DACH1: variants seen among roughly 807,000 people sequenced by gnomAD.
The protein encoded by DACH1 is dachshund homolog 1.
Under a neutral mutation model 54.2 loss-of-function variants are expected in DACH1, and 12 were observed. That is an observed-to-expected ratio of 0.22 (90% CI 0.14 to 0.36). The LOEUF (loss-of-function observed/expected upper bound fraction) is 0.36, where lower values mean the gene tolerates loss of function less well. Among genes scored for constraint, DACH1 ranks in the 10% least tolerant of loss-of-function variants. DACH1 has a pLI of 1.00. For synonymous variants in DACH1, 386 were observed against 366.2 expected, an observed-to-expected ratio of 1.05 and a Z score of -0.62; for missense variants, 805 against 929.8, an observed-to-expected ratio of 0.87 and a Z score of 1.75.
intron 3 of DACH1, among the ~76,000 whole-genome samples, chr13:71,627,416 T>C (rs1876733468): frequency 6.6e-6 from 1 of 151,558 alleles, no homozygotes; most frequent in African/African-American, 2.4e-5. Flanking sequence ...AGCCTTGAAT[T>C]GTCTTCAGAA....
intron 3 of DACH1, among the ~76,000 whole-genome samples, chr13:71,626,682 A>G (rs1163155362): frequency 3.3e-5 from 5 of 152,072 alleles, no homozygotes; most frequent in South Asian, 4.1e-4. Context: ...TCAGTAATCA[A>G]TATCAGGATG....
intron 3 of DACH1, among the ~76,000 whole-genome samples, chr13:71,614,471 G>A (rs1875603039): frequency 6.6e-6 from 1 of 152,048 alleles, no homozygotes; most frequent in African/African-American, 2.4e-5. Flanking sequence ...CCAAATTTCA[G>A]TTACTATTAA....
intron 1 of DACH1, among the ~76,000 whole-genome samples, chr13:71,715,946 C>G (rs979761362): frequency 6.6e-6 from 1 of 151,962 alleles, no homozygotes; most frequent in Non-Finnish European, 1.5e-5. Context: ...TGAAATCTAT[C>G]TTTCTAGAGG....
At chr13:71,749,039 C>T (rs568705538) in intron 1 of DACH1, among the ~76,000 whole-genome samples, 1 of 151,444 alleles carries the variant, frequency 6.6e-6, no homozygotes, top group East Asian at 1.9e-4. Context: ...GGCTGGAATA[C>T]AGTGGCATGA....
chr13:71,721,183 T>C (rs1162813567), intron 1 of DACH1, among the ~76,000 whole-genome samples: 1 of 152,164 alleles, frequency 6.6e-6, no homozygotes, highest in Non-Finnish European at 1.5e-5. Flanking sequence ...GATGCCCTCA[T>C]AATACATTTG....
chr13:71,832,480 A>G (rs1888629931), intron 1 of DACH1, among the ~76,000 whole-genome samples: 1 of 151,946 alleles, frequency 6.6e-6, no homozygotes, highest in Non-Finnish European at 1.5e-5. Context: ...TTAAACTAAG[A>G]AAATGTTTTA....
chr13:71,467,850 T>C (rs2138154598), intron 10 of DACH1, among the ~76,000 whole-genome samples: 1 of 152,288 alleles, frequency 6.6e-6, no homozygotes, highest in East Asian at 1.9e-4. Flanking sequence ...AATTCTAATA[T>C]TTATATTTTA....
chr13:71,507,828 T>C (rs1461392676), intron 6 of DACH1, among the ~76,000 whole-genome samples: 2 of 152,226 alleles, frequency 1.3e-5, no homozygotes, highest in African/African-American at 2.4e-5. Flanking sequence ...ATCAAATTTC[T>C]AAACTGAACC....
At chr13:71,618,798 T>C (rs944441997) in intron 3 of DACH1, among the ~76,000 whole-genome samples, 2 of 151,896 alleles carry the variant, frequency 1.3e-5, no homozygotes, top group Non-Finnish European at 2.9e-5. Flanking sequence ...AAATAATAAA[T>C]GCTTTATTGA....
chr13:71,805,900 C>T (rs186313111), intron 1 of DACH1, among the ~76,000 whole-genome samples: 5 of 152,132 alleles, frequency 3.3e-5, no homozygotes, highest in East Asian at 1.9e-4. Context: ...TTCTACCTCC[C>T]GGGTTCAAAC....
chr13:71,738,055 T>G (rs1181543537), intron 1 of DACH1, among the ~76,000 whole-genome samples: 1 of 152,166 alleles, frequency 6.6e-6, no homozygotes, highest in Non-Finnish European at 1.5e-5. Context: ...AACGGACATA[T>G]ATTTGGAAGT....
chr13:71,629,939 G>C (rs1039841837), intron 3 of DACH1, among the ~76,000 whole-genome samples: 6 of 152,032 alleles, frequency 3.9e-5, no homozygotes, highest in African/African-American at 1.4e-4. Flanking sequence ...TGGATAGTTG[G>C]CACAGGTAAA....
At chr13:71,614,289 G>T (rs1875582022) in intron 3 of DACH1, among the ~76,000 whole-genome samples, 1 of 152,090 alleles carries the variant, frequency 6.6e-6, no homozygotes, top group African/African-American at 2.4e-5. Flanking sequence ...GAATTCACGG[G>T]TAGTTGACCT....
chr13:71,739,685 G>A (rs1206084389), intron 1 of DACH1, among the ~76,000 whole-genome samples: 1 of 152,152 alleles, frequency 6.6e-6, no homozygotes, highest in East Asian at 1.9e-4. Context: ...ACCTGAAGTG[G>A]TTTTTGCAGC....
chr13:71,706,932 G>T (rs1882478867), intron 1 of DACH1, among the ~76,000 whole-genome samples: 1 of 152,044 alleles, frequency 6.6e-6, no homozygotes, highest in African/African-American at 2.4e-5. Flanking sequence ...GATAAACTAT[G>T]ATTTTCATTT....
At chr13:71,467,701 A>T (rs1440396226) in intron 10 of DACH1, among the ~76,000 whole-genome samples, 1 of 152,114 alleles carries the variant, frequency 6.6e-6, no homozygotes, top group Non-Finnish European at 1.5e-5. Flanking sequence ...CTTACTGCCT[A>T]CAATCAATAT....
At chr13:71,517,132 T>C (rs1313315733) in intron 6 of DACH1, among the ~76,000 whole-genome samples, 3 of 151,852 alleles carry the variant, frequency 2.0e-5, no homozygotes, top group African/African-American at 7.2e-5. Context: ...GCATGCGCCA[T>C]TAAACAATAT....
chr13:71,633,443 T>A (rs1404206150), intron 2 of DACH1, among the ~76,000 whole-genome samples: 2 of 152,210 alleles, frequency 1.3e-5, no homozygotes, highest in African/African-American at 4.8e-5. Flanking sequence ...TAATCACATT[T>A]GTCCTTAGGT....
chr13:71,637,192 A>G (rs945444972), intron 2 of DACH1, among the ~76,000 whole-genome samples: 1 of 152,124 alleles, frequency 6.6e-6, no homozygotes, highest in African/African-American at 2.4e-5. Context: ...AGCGAGTTAT[A>G]TAATGTCCCA....
Sources: gnomAD v4.1 joint callset for allele counts (sites outside exome capture counted in the v4.1 genomes callset) on GRCh38, gnomAD v4.1.1 for gene constraint, MANE v1.5 for transcripts, NCBI Gene and HGNC (gene_info 2026-07-23, HGNC 2026-07-21) for gene names.